Variants in ANK3 observed in about 807,000 individuals in gnomAD.
ANK3 encodes the protein ankyrin 3.
In ANK3, 57 loss-of-function variants were observed where a neutral mutation model predicts 370.9. That is an observed-to-expected ratio of 0.15 (90% CI 0.12 to 0.19). ANK3 has a LOEUF of 0.19. Ranked by LOEUF, ANK3 falls within the 10% of genes least tolerant of loss-of-function variation. ANK3 has a pLI of 1.00. For synonymous variants in ANK3, 1,929 were observed against 1,946.3 expected (o/e 0.99, Z 0.23); for missense variants, 4,439 against 5,302.1 (o/e 0.84, Z 5.06).
intron 2 of ANK3, among the ~76,000 whole-genome samples, chr10:60,576,835 G>T (rs1318839066): frequency 6.6e-6 from 1 of 152,190 alleles, no homozygotes; most frequent in Non-Finnish European, 1.5e-5. Context: ...CCTGTGGCAA[G>T]GGTTTCCCCT....
At chr10:60,417,441 G>T (rs2063691841) in intron 2 of ANK3, among the ~76,000 whole-genome samples, 1 of 152,158 alleles carries the variant, frequency 6.6e-6, no homozygotes, top group Non-Finnish European at 1.5e-5. Flanking sequence ...ACTAGTGCAG[G>T]CCTGGTTTCC....
intron 2 of ANK3, among the ~76,000 whole-genome samples, chr10:60,431,727 C>G (rs2064029493): frequency 6.6e-6 from 1 of 152,030 alleles, no homozygotes; most frequent in Admixed American, 6.6e-5. Flanking sequence ...CAGCAAACCA[C>G]CATGGCAAGT....
intron 21 of ANK3, among the ~76,000 whole-genome samples, chr10:60,167,154 G>C (rs1439617506): frequency 6.6e-6 from 1 of 152,146 alleles, no homozygotes; most frequent in African/African-American, 2.4e-5. Flanking sequence ...CTCTAATAAA[G>C]CTTTTCAAAG....
At chr10:60,141,118 G>T in intron 23 of ANK3, 1 of 717,590 alleles carries the variant, frequency 1.4e-6, no homozygotes, top group Non-Finnish European at 1.7e-6. Flanking sequence ...GTGAAACTGG[G>T]GCTAAGGAAA....
intron 1 of ANK3, among the ~76,000 whole-genome samples, chr10:60,318,758 T>C (rs1443240276): frequency 2.6e-5 from 4 of 152,146 alleles, no homozygotes; most frequent in African/African-American, 7.2e-5. Context: ...ACATTATCTC[T>C]TTTTTTAAAT....
Position 60,226,497 on chromosome 10 carries a change from TATAGTATATATAC to T in ANK3, c.897+8178_897+8190del, listed in dbSNP as rs1196849885. 8.3e-3 allele frequency among the ~76,000 whole-genome samples: 704 copies of T among 85,324 alleles called. 9 individuals carry two copies. The highest frequency in any genetic ancestry group is 0.01 in the Non-Finnish European group (527 of 51,964). The allele number at this position is 85,324 out of a possible 152,430, so 56.0% of individuals were successfully genotyped here. ...ATATATACTATATATATACATATAC[TATAGTATATATAC>T]ATAGTATATATACTATAGTATATAT... On this transcript the variant is annotated intron_variant, in intron 8 of 43. Coordinates refer to ENST00000280772, the MANE Select transcript of ANK3 (RefSeq NM_020987.5).
At chr10:60,322,064 AG>A (rs1478444224) in intron 1 of ANK3, among the ~76,000 whole-genome samples, 1 of 152,186 alleles carries the variant, frequency 6.6e-6, no homozygotes, top group African/African-American at 2.4e-5. Flanking sequence ...AAGTTGTCTT[AG>A]GATTATTTTC....
chr10:60,547,548 C>T (rs1031409882), intron 2 of ANK3, among the ~76,000 whole-genome samples: 12 of 151,844 alleles, frequency 7.9e-5, no homozygotes, highest in East Asian at 3.9e-4. Flanking sequence ...TACAGGTATG[C>T]GCCACCACGC....
chr10:60,139,884 G>A (rs2132211250), intron 23 of ANK3: 1 of 162,688 alleles, frequency 6.1e-6, no homozygotes, highest in Non-Finnish European at 1.3e-5. Flanking sequence ...TGACAAGGCA[G>A]GTTTTTCAAT....
rs77296724 is a variant in ANK3, at chr10:60,074,832, G to T, written c.6049C>A (p.Gln2017Lys). 1.9e-6 allele frequency: 3 copies of T among 1,613,562 alleles called. No individual in the cohort carries two copies. Among genetic ancestry groups the T allele is most frequent in the Non-Finnish European group, 2.5e-6 (3 of 1,179,898 alleles). Residue 2017 changes from glutamine to lysine, a missense_variant, in exon 37 of 44, where the codon CAA (glutamine) becomes AAA (lysine). Gln to Lys is a moderately conservative substitution (Grantham distance 53). Transcript: ENST00000280772. ...TCGGAGGCGGCTTTTGCTTTTACTT[G>T]CACTCTCTCTGGCAGAGATGGAGAC... is the stretch of plus-strand genomic sequence containing the variant. Reference protein sequence around the residue: ...SQSPSLPERVQVKAKAASEKD... With the variant: ...SQSPSLPERVKVKAKAASEKD...
chr10:60,131,741 G>T (rs188653353), intron 25 of ANK3, among the ~76,000 whole-genome samples: 1 of 152,194 alleles, frequency 6.6e-6, no homozygotes, highest in Non-Finnish European at 1.5e-5. Flanking sequence ...ATGTGCAGAA[G>T]GTGGGTGGTA....
At chr10:60,458,169 G>T (rs1036528257) in intron 2 of ANK3, among the ~76,000 whole-genome samples, 1 of 152,076 alleles carries the variant, frequency 6.6e-6, no homozygotes. Context: ...AAAAATCTCT[G>T]ACTCGGCATC....
intron 2 of ANK3, among the ~76,000 whole-genome samples, chr10:60,434,699 T>A (rs1313997927): frequency 1.3e-5 from 2 of 152,224 alleles, no homozygotes; most frequent in Non-Finnish European, 2.9e-5. Context: ...CCAATCTGCA[T>A]CCCAGAGTAC....
chr10:60,348,764 A>G (rs968004750), intron 1 of ANK3, among the ~76,000 whole-genome samples: 1 of 152,218 alleles, frequency 6.6e-6, no homozygotes, highest in Non-Finnish European at 1.5e-5. Context: ...ATGTGATTTC[A>G]TAAGCCACAC....
chr10:60,241,012 T>G (rs2097448344), intron 7 of ANK3, among the ~76,000 whole-genome samples: 3 of 152,206 alleles, frequency 2.0e-5, no homozygotes, highest in Non-Finnish European at 4.4e-5. Context: ...GATGGTTGTA[T>G]TTTAATATTG....
intron 1 of ANK3, among the ~76,000 whole-genome samples, chr10:60,329,895 G>T (rs940524093): frequency 6.6e-6 from 1 of 152,108 alleles, no homozygotes; most frequent in Non-Finnish European, 1.5e-5. Flanking sequence ...ATACTACAAG[G>T]CTACAGTAAC....
chr10:60,097,045 T>C (rs904427180), intron 28 of ANK3, among the ~76,000 whole-genome samples: 4 of 152,230 alleles, frequency 2.6e-5, no homozygotes, highest in Admixed American at 6.5e-5. Context: ...AGTTCTGAAA[T>C]AGGCAGTTTT....
At chr10:60,116,354 T>C (rs1049541741) in intron 25 of ANK3, among the ~76,000 whole-genome samples, 10 of 152,134 alleles carry the variant, frequency 6.6e-5, no homozygotes, top group Non-Finnish European at 1.3e-4. Context: ...GTGGAAATCA[T>C]GGATAACAAC....
intron 2 of ANK3, among the ~76,000 whole-genome samples, chr10:60,590,763 T>C (rs2077898260): frequency 6.6e-6 from 1 of 152,246 alleles, no homozygotes; most frequent in South Asian, 2.1e-4. Context: ...CCTGCATACT[T>C]TAAATCATCT....
Sources: gnomAD v4.1 joint callset for allele counts (sites outside exome capture counted in the v4.1 genomes callset) on GRCh38, gnomAD v4.1.1 for gene constraint, MANE v1.5 for transcripts, NCBI Gene and HGNC (gene_info 2026-07-23, HGNC 2026-07-21) for gene names.